Variants in ZFP91 observed in about 807,000 individuals in gnomAD.
ZFP91 encodes ZFP91 zinc finger protein, atypical E3 ubiquitin ligase, also known as E3 ubiquitin-protein ligase ZFP91.
Under a neutral mutation model 63.5 loss-of-function variants are expected in ZFP91, and 7 were observed. That is an observed-to-expected ratio of 0.11 (90% CI 0.06 to 0.21). The LOEUF (loss-of-function observed/expected upper bound fraction) is 0.21, where lower values mean the gene tolerates loss of function less well. Ranked by LOEUF, ZFP91 falls within the 10% of genes least tolerant of loss-of-function variation. The probability of loss-of-function intolerance (pLI) is 1.00; values close to 1 mark genes in which losing one functional copy is unlikely to be tolerated. For missense variants in ZFP91, 628 were observed against 736.6 expected, an observed-to-expected ratio of 0.85 and a Z score of 1.71; for synonymous variants, 330 against 272.1, an observed-to-expected ratio of 1.21 and a Z score of -2.10.
At chr11:58,601,577 G>A (rs932554595) in intron 2 of ZFP91, among the ~76,000 whole-genome samples, 1 of 149,800 alleles carries the variant, frequency 6.7e-6, no homozygotes, top group Non-Finnish European at 1.5e-5. Flanking sequence ...GCTCTTATGG[G>A]TATGATGTTA....
In ZFP91 at chr11:58,594,678, T is replaced by C. The variant is rs1046292107; in HGVS notation, c.370+9794T>C. On this transcript the variant is annotated intron_variant, in intron 2 of 10. Coordinates refer to ENST00000316059, the MANE Select transcript of ZFP91 (RefSeq NM_053023.5). The stretch of plus-strand genomic sequence containing the variant: ...GAAATCAGTAAGCCAGGAAAAAACA[T>C]ATGTAGATGGAGTAAACAGAGATGA... Among the ~76,000 whole-genome samples, 10 of 152,266 alleles carry C rather than the reference T, an allele frequency of 6.6e-5. 1 individual carries two copies. The highest frequency in any genetic ancestry group is 6.5e-4 in the Admixed American group (10 of 15,288).
chr11:58,591,883 CAG>C (rs1193913197), intron 2 of ZFP91, among the ~76,000 whole-genome samples: 1 of 152,062 alleles, frequency 6.6e-6, no homozygotes, highest in Non-Finnish European at 1.5e-5. Flanking sequence ...GGTGCCATAT[CAG>C]GGACTCGGTG....
chr11:58,590,000 G>GT (rs978097520), intron 2 of ZFP91, among the ~76,000 whole-genome samples: 3 of 152,138 alleles, frequency 2.0e-5, no homozygotes, highest in African/African-American at 7.2e-5. Flanking sequence ...ACAGTTATAA[G>GT]TTTATTCTGC....
At chr11:58,597,471 G>T (rs912281647) in intron 2 of ZFP91, among the ~76,000 whole-genome samples, 1 of 152,146 alleles carries the variant, frequency 6.6e-6, no homozygotes, top group Non-Finnish European at 1.5e-5. Context: ...TTGGTCAGTA[G>T]AAGCTGTTTC....
At chr11:58,608,168 G>C (rs1855599336) in intron 2 of ZFP91, among the ~76,000 whole-genome samples, 1 of 151,162 alleles carries the variant, frequency 6.6e-6, no homozygotes, top group African/African-American at 2.4e-5. Flanking sequence ...AAGGGGGATT[G>C]GTTTCATAAG....
chr11:58,590,610 C>T (rs1012149901), intron 2 of ZFP91, among the ~76,000 whole-genome samples: 4 of 152,072 alleles, frequency 2.6e-5, no homozygotes, highest in African/African-American at 4.8e-5. Context: ...TATTTACAAC[C>T]CTATAAGCAA....
rs961911989 is a variant in ZFP91 at position 58,579,597 on chromosome 11, C to G, written c.316C>G (p.Gln106Glu). The G allele has an allele frequency of 1.3e-5, 20 of 1,578,502 alleles. No individual in the cohort carries two copies. The highest frequency in any genetic ancestry group is 1.6e-5 in the Non-Finnish European group (19 of 1,165,920). The stretch of plus-strand genomic sequence containing the variant: ...GGCCGCGAAGTCCCCGTCTCCAGTT[C>G]AGGGCAAGAAGAGTCCGCGACTCCT... ...PQAAKSPSPV[Q>E]GKKSPRLLCI... Residue 106 changes from glutamine to glutamate, a missense_variant, in exon 1 of 11, where the codon CAG becomes GAG. Physicochemically the swap from Gln to Glu is conservative, Grantham distance 29. Transcript: ENST00000316059.
chr11:58,602,860 C>T (rs1400163112), intron 2 of ZFP91, among the ~76,000 whole-genome samples: 1 of 152,034 alleles, frequency 6.6e-6, no homozygotes, highest in Non-Finnish European at 1.5e-5. Context: ...GCCTCTAATC[C>T]CAGCTATACT....
At position 58,620,694 on chromosome 11, in the gene ZFP91, A is replaced by G. The variant is rs1334338973; in HGVS notation, c.*2988A>G. 6.6e-6 allele frequency: 1 copy of G among 152,662 alleles called. No homozygotes were observed. Among genetic ancestry groups the G allele is most frequent in the East Asian group, 1.9e-4 (1 of 5,202 alleles). 9.5% of individuals were successfully genotyped at this position (152,662 alleles called of 1,614,324 possible). On this transcript the variant is annotated 3_prime_UTR_variant, in exon 11 of 11. Coordinates refer to ENST00000316059, the MANE Select transcript of ZFP91 (RefSeq NM_053023.5). ...GGGGAAAAAGTATAATGAGTGTACT[A>G]CCAATCTAACTAAGATTATTATAGT...
chr11:58,586,112 C>G (rs1175785462), intron 2 of ZFP91, among the ~76,000 whole-genome samples: 1 of 151,776 alleles, frequency 6.6e-6, no homozygotes, highest in African/African-American at 2.4e-5. Context: ...TCTCACATTT[C>G]TTATTCAGAG....
intron 3 of ZFP91, 54 bp downstream of exon 3, chr11:58,610,093 A>G: frequency 6.3e-7 from 1 of 1,587,026 alleles, no homozygotes; most frequent in Non-Finnish European, 8.6e-7. Context: ...TTACATTTTA[A>G]ATGTAATGTT....
chr11:58,612,336 A>C lies in ZFP91; in HGVS notation c.908+8A>C. ...ACGTTTACCCAAAAGGAGGTGAGGA[A>C]TTTTTACCCCTACTGTTTTACACCT... On this transcript the variant is annotated splice_region_variant and intron_variant, in intron 7 of 10. Coordinates refer to ENST00000316059, the MANE Select transcript of ZFP91 (RefSeq NM_053023.5). The C allele has an allele frequency of 6.2e-7, 1 of 1,613,426 alleles. No individual in the cohort carries two copies. The highest frequency in any genetic ancestry group is 8.5e-7 in the Non-Finnish European group (1 of 1,179,560).
intron 2 of ZFP91, among the ~76,000 whole-genome samples, chr11:58,605,340 G>C (rs1041593440): frequency 2.6e-5 from 4 of 152,158 alleles, no homozygotes; most frequent in African/African-American, 9.7e-5. Context: ...GAAATCAAAA[G>C]TACAATATCA....
intron 1 of ZFP91, among the ~76,000 whole-genome samples, chr11:58,583,143 G>T (rs1855147058): frequency 6.6e-6 from 1 of 152,048 alleles, no homozygotes; most frequent in African/African-American, 2.4e-5. Flanking sequence ...CGTTCTGCTA[G>T]TAGGGAATGA....
rs539544905 is a variant in ZFP91, at chr11:58,591,227, A to C, written c.370+6343A>C. Among the ~76,000 whole-genome samples the C allele has an allele frequency of 3.9e-5, 6 of 152,338 alleles. No individual in the cohort carries two copies. In the South Asian group the frequency reaches 1.2e-3, roughly 32 times the overall value. On this transcript the variant is annotated intron_variant, in intron 2 of 10. Coordinates refer to ENST00000316059, the MANE Select transcript of ZFP91 (RefSeq NM_053023.5). ...GAATTTTACATAAATGGGATAATAC[A>C]GTAGGCACTCTTTTGTGTCTCGCTT... is the stretch of plus-strand genomic sequence containing the variant.
chr11:58,589,855 A>G (rs1855275249), intron 2 of ZFP91, among the ~76,000 whole-genome samples: 1 of 152,202 alleles, frequency 6.6e-6, no homozygotes, highest in Non-Finnish European at 1.5e-5. Flanking sequence ...GTCACTTATA[A>G]TATGTGAATT....
rs755791487 is a variant in ZFP91 at position 58,609,970 on chromosome 11, T to G, written c.511T>G (p.Ser171Ala). 2.5e-6 allele frequency: 4 copies of G among 1,614,192 alleles called. No individual in the cohort carries two copies. In the South Asian group the frequency reaches 4.4e-5, roughly 18 times the overall value. Residue 171 changes from serine to alanine, a missense_variant, in exon 3 of 11, where the codon TCT becomes GCT. Physicochemically the swap from Ser to Ala is moderately conservative, Grantham distance 99. Coordinates refer to ENST00000316059, the MANE Select transcript of ZFP91 (RefSeq NM_053023.5). ...TCGTGATACAGAGAACACCCGAAGC[T>G]CTCGGTCCAAGACCGGTTCATTGCA... is the stretch of plus-strand genomic sequence containing the variant. ...RHRDTENTRS[S>A]RSKTGSLQLI...
At chr11:58,591,970 A>G (rs879421074) in intron 2 of ZFP91, among the ~76,000 whole-genome samples, 28 of 152,196 alleles carry the variant, frequency 1.8e-4, no homozygotes, top group African/African-American at 5.1e-4. Flanking sequence ...GTTTTCAGCA[A>G]TCTCAGTTTT....
At position 58,617,736 on chromosome 11, in the gene ZFP91, C is replaced by A; in HGVS notation, c.*30C>A. Reference sequence around the variant, plus strand: ...CAGGAAGACTTGGGGCATGGGACAGCTCAGACTTTGTATTTAAAAGTTAAA... The same window carrying A: ...CAGGAAGACTTGGGGCATGGGACAGATCAGACTTTGTATTTAAAAGTTAAA... On this transcript the variant is annotated 3_prime_UTR_variant, in exon 11 of 11. Coordinates refer to ENST00000316059, the MANE Select transcript of ZFP91 (RefSeq NM_053023.5). This position sits in a 1 kb window ranked among gnomAD's most constrained non-coding sequence, Gnocchi z 4.2. 1 of 1,459,606 alleles carries A rather than the reference C, an allele frequency of 6.9e-7. No individual in the cohort carries two copies. Among genetic ancestry groups the A allele is most frequent in the South Asian group, 1.6e-5 (1 of 63,630 alleles). The allele number at this position is 1,459,606 out of a possible 1,614,324, so 90.4% of individuals were successfully genotyped here. A position where few individuals can be genotyped will look rare whatever the true frequency, so the allele number is the denominator to read the frequency against.
Sources: gnomAD v4.1 joint callset for allele counts (sites outside exome capture counted in the v4.1 genomes callset) on GRCh38, gnomAD v4.1.1 for gene constraint, Gnocchi (gnomAD v3.1) non-coding constraint, MANE v1.5 for transcripts, NCBI Gene and HGNC (gene_info 2026-07-23, HGNC 2026-07-21) for gene names.